Variants in KATNIP observed in about 807,000 individuals in gnomAD.
KATNIP encodes the protein katanin interacting protein.
KATNIP carries 126 observed loss-of-function variants against 174.0 expected under a neutral mutation model. That is an observed-to-expected ratio of 0.72 (90% confidence interval 0.63 to 0.84). The LOEUF is 0.84. Ranked by LOEUF, KATNIP falls within the 40% of genes least tolerant of loss-of-function variation. The pLI is 0.00. For synonymous variants in KATNIP, 810 were observed against 835.7 expected (o/e 0.97, Z 0.53); for missense variants, 1,958 against 2,109.7 (o/e 0.93, Z 1.41).
At chr16:27,606,939 C>G (rs1286803525) in intron 2 of KATNIP, among the ~76,000 whole-genome samples, 2 of 152,122 alleles carry the variant, frequency 1.3e-5, no homozygotes, top group African/African-American at 2.4e-5. Flanking sequence ...TAAAATGACT[C>G]CTTCCTTTGT....
At chr16:27,553,665 A>AAAAT (rs946497727) in intron 1 of KATNIP, among the ~76,000 whole-genome samples, 12 of 151,976 alleles carry the variant, frequency 7.9e-5, no homozygotes, top group East Asian at 1.9e-4. Context: ...ATAAATAAAT[A>AAAAT]AAATAAATAA....
chr16:27,592,433 A>G (rs1319410860), intron 2 of KATNIP, among the ~76,000 whole-genome samples: 1 of 151,650 alleles, frequency 6.6e-6, no homozygotes, highest in Non-Finnish European at 1.5e-5. Flanking sequence ...ATAAGCATGC[A>G]TGGTAAAGCC....
intron 5 of KATNIP, among the ~76,000 whole-genome samples, chr16:27,643,638 C>T (rs530516344): frequency 1.2e-4 from 18 of 145,696 alleles, no homozygotes; most frequent in Non-Finnish European, 2.4e-4. Flanking sequence ...AGTGAATGCA[C>T]CTGAGTGCTT....
Position 27,552,772 on chromosome 16 carries a change from G to A in KATNIP, c.7+2595G>A, listed in dbSNP as rs568232406. ...TGCAATGGCCTGATCTCGGCTCACC[G>A]CAACCTCCGCCTCCCGGGTTCAAGC... On this transcript the variant is annotated intron_variant, in intron 1 of 27. Coordinates refer to ENST00000261588, the MANE Select transcript of KATNIP (RefSeq NM_015202.5). Among the ~76,000 whole-genome samples the A allele has an allele frequency of 1.0e-4, 14 of 137,766 alleles. No individual in the cohort carries two copies. The East Asian group carries it at 2.8e-3, about 28-fold the overall frequency. 90.4% of individuals were successfully genotyped at this position (137,766 alleles called of 152,430 possible).
At chr16:27,666,560 G>C (rs149616907) in intron 6 of KATNIP, among the ~76,000 whole-genome samples, 439 of 152,168 alleles carry the variant, frequency 2.9e-3, no homozygotes, top group Non-Finnish European at 4.7e-3. Context: ...TGGGATTACA[G>C]GTGTCCACCA....
chr16:27,708,650 C>T (rs987925895), intron 12 of KATNIP, 55 bp from the exon 13 acceptor site: 23 of 1,451,808 alleles, frequency 1.6e-5, no homozygotes, highest in African/African-American at 1.1e-4. Context: ...GAGGCAGAGC[C>T]GAATTCAAGC....
intron 27 of KATNIP, among the ~76,000 whole-genome samples, chr16:27,778,350 G>A (rs1193115812): frequency 6.6e-6 from 1 of 152,230 alleles, no homozygotes; most frequent in Non-Finnish European, 1.5e-5. Flanking sequence ...TAAAGGATGT[G>A]AGGAGTGTGC....
chr16:27,610,370 A>G (rs1371560677), intron 2 of KATNIP, among the ~76,000 whole-genome samples: 3 of 152,122 alleles, frequency 2.0e-5, no homozygotes, highest in African/African-American at 7.2e-5. Flanking sequence ...GGCTTTGAAG[A>G]TGACTCCAAG....
intron 3 of KATNIP, among the ~76,000 whole-genome samples, chr16:27,624,625 G>A (rs1358021338): frequency 1.3e-5 from 2 of 152,012 alleles, no homozygotes; most frequent in Non-Finnish European, 2.9e-5. Flanking sequence ...AGACCAGCCT[G>A]GACAACACAG....
At chr16:27,762,475 T>C (rs532800612) in intron 19 of KATNIP, among the ~76,000 whole-genome samples, 10 of 152,176 alleles carry the variant, frequency 6.6e-5, no homozygotes, top group Non-Finnish European at 1.3e-4. Context: ...GACTGAAATA[T>C]GCAGAGGCCA....
chr16:27,719,371 C>G (rs572076389), intron 13 of KATNIP, among the ~76,000 whole-genome samples: 2 of 152,244 alleles, frequency 1.3e-5, no homozygotes, highest in East Asian at 3.9e-4. Flanking sequence ...AATCTCCCCC[C>G]TCCACCACCA....
chr16:27,587,921 C>CTTTTTT (rs111346127), intron 2 of KATNIP, among the ~76,000 whole-genome samples: 1 of 106,732 alleles, frequency 9.4e-6, no homozygotes, highest in Non-Finnish European at 2.0e-5. Context: ...CTTTTCTTTT[C>CTTTTTT]TTTTTTTTTT....
At chr16:27,688,379 G>A (rs1018383876) in intron 8 of KATNIP, among the ~76,000 whole-genome samples, 2 of 152,144 alleles carry the variant, frequency 1.3e-5, no homozygotes, top group African/African-American at 4.8e-5. Context: ...GATCTCCTGA[G>A]GTCAGGAGTT....
intron 1 of KATNIP, among the ~76,000 whole-genome samples, chr16:27,563,432 C>T (rs567018590): frequency 4.2e-4 from 64 of 152,208 alleles, no homozygotes; most frequent in Admixed American, 3.6e-3. Context: ...TTGGGTGTAT[C>T]GCTTGAGCCT....
In KATNIP at chr16:27,670,905, G is replaced by A. The variant is rs1018263642; in HGVS notation, c.541-6824G>A. On this transcript the variant is annotated intron_variant, in intron 6 of 27. Transcript: ENST00000261588. ...CAGAGAGATCATTGTTAATAGTTGG[G>A]TGCTGGCCGGGCGTAGTGGCTCACA... Among the ~76,000 whole-genome samples the A allele has an allele frequency of 2.0e-5, 3 of 152,080 alleles. 1 individual carries two copies. Among genetic ancestry groups the A allele is most frequent in the Admixed American group, 2.0e-4 (3 of 15,254 alleles).
intron 16 of KATNIP, among the ~76,000 whole-genome samples, chr16:27,750,522 C>G (rs914893437): frequency 1.3e-5 from 2 of 151,148 alleles, no homozygotes; most frequent in African/African-American, 4.9e-5. Context: ...CGGGTTCACG[C>G]CATTCTCCTG....
At chr16:27,576,459 C>T (rs894354953) in intron 2 of KATNIP, among the ~76,000 whole-genome samples, 10 of 152,182 alleles carry the variant, frequency 6.6e-5, no homozygotes, top group African/African-American at 2.2e-4. Context: ...CAACCCCAAA[C>T]AATTATTTTA....
chr16:27,594,178 C>T (rs767409466), intron 2 of KATNIP, among the ~76,000 whole-genome samples: 18 of 151,808 alleles, frequency 1.2e-4, no homozygotes, highest in Non-Finnish European at 2.5e-4. Context: ...GAGGATCACT[C>T]GAGCCCAGGA....
chr16:27,628,576 G>C (rs1247677082), intron 3 of KATNIP, 85 bp from the exon 4 acceptor site: 5 of 1,408,606 alleles, frequency 3.5e-6, no homozygotes, highest in Non-Finnish European at 4.9e-6. Context: ...TTCACTGTGG[G>C]AACAGCAGTT....
Sources: allele counts gnomAD v4.1 joint callset (sites outside exome capture counted in the v4.1 genomes callset), GRCh38; gene constraint gnomAD v4.1.1; transcripts MANE v1.5; gene names NCBI Gene and HGNC (gene_info 2026-07-23, HGNC 2026-07-21).